Variants in CACNA1C observed in about 807,000 individuals in gnomAD.
CACNA1C encodes voltage-dependent L-type calcium channel subunit alpha-1C.
In CACNA1C, 30 loss-of-function variants were observed where a neutral mutation model predicts 229.0. The observed-to-expected ratio is 0.13, with a 90% confidence interval of 0.10 to 0.18. The LOEUF is 0.18. Among genes scored for constraint, CACNA1C ranks in the 10% least tolerant of loss-of-function variants. The pLI, the probability that CACNA1C is intolerant of heterozygous loss-of-function variation, is 1.00. For synonymous variants in CACNA1C, 1,114 were observed against 1,132.5 expected (o/e 0.98, Z 0.33); for missense variants, 1,658 against 2,845.0 (o/e 0.58, Z 9.49).
At chr12:2,442,557 G>T (rs1341479743) in intron 3 of CACNA1C, among the ~76,000 whole-genome samples, 1 of 152,244 alleles carries the variant, frequency 6.6e-6, no homozygotes, top group Admixed American at 6.5e-5. Context: ...GAGGAGCAGG[G>T]TCCTCCAGGA....
Position 2,449,065 on chromosome 12 carries a change from C to T in CACNA1C, c.567C>T (p.Ala189=), listed in dbSNP as rs886049202. 22 of 1,591,882 alleles carry T rather than the reference C, an allele frequency of 1.4e-5. No individual in the cohort carries two copies. Among genetic ancestry groups the T allele is most frequent in the Non-Finnish European group, 1.9e-5 (22 of 1,167,496 alleles). The change falls in exon 4 of 47, where the codon GCC becomes GCT. Residue 189 remains alanine (A), a synonymous_variant. Coordinates refer to ENST00000399655, the MANE Select transcript of CACNA1C (RefSeq NM_000719.7). ...IAYGLLFHPN[A]YLRNGWNLLD... is the part of the protein sequence containing the mutation. ...ATGGACTCCTCTTTCACCCCAATGCCTACCTCCGCAACGGCTGGAACCTAC... is the reference window on the plus strand; with the variant it reads ...ATGGACTCCTCTTTCACCCCAATGCTTACCTCCGCAACGGCTGGAACCTAC...
chr12:2,538,922 G>C (rs1037136686), intron 9 of CACNA1C, among the ~76,000 whole-genome samples: 3 of 152,146 alleles, frequency 2.0e-5, no homozygotes, highest in Non-Finnish European at 4.4e-5. Flanking sequence ...GGTGGGGCTG[G>C]AGCAACCCTG....
intron 14 of CACNA1C, 70 bp from the exon 15 acceptor site, chr12:2,582,751 AG>A: frequency 6.4e-7 from 1 of 1,553,814 alleles, no homozygotes. Flanking sequence ...GTAGTGGGGC[AG>A]GGCAGGGTGG....
At chr12:2,462,762 T>A (rs189944916) in intron 5 of CACNA1C, among the ~76,000 whole-genome samples, 7 of 152,170 alleles carry the variant, frequency 4.6e-5, no homozygotes, top group African/African-American at 1.7e-4. Context: ...TCTGTCTCAT[T>A]TGATCTTCAT....
At chr12:2,006,219 C>T (rs1460132043) in intron 1 of CACNA1C, among the ~76,000 whole-genome samples, 1 of 151,974 alleles carries the variant, frequency 6.6e-6, no homozygotes, top group Non-Finnish European at 1.5e-5. Context: ...ACCAGCCTGG[C>T]CAACATGGTG....
At chr12:2,175,567 C>T (rs984788413) in intron 3 of CACNA1C, among the ~76,000 whole-genome samples, 3 of 143,796 alleles carry the variant, frequency 2.1e-5, no homozygotes, top group Non-Finnish European at 3.1e-5. Flanking sequence ...GGGTGGGCTC[C>T]GGGATTGGCA....
At chr12:2,495,235 C>A (rs1399514260) in intron 7 of CACNA1C, among the ~76,000 whole-genome samples, 1 of 152,188 alleles carries the variant, frequency 6.6e-6, no homozygotes, top group Admixed American at 6.5e-5. Flanking sequence ...GACAAAATTC[C>A]CAAGTGGACC....
intron 3 of CACNA1C, among the ~76,000 whole-genome samples, chr12:2,289,131 C>T (rs1345728017): frequency 6.6e-6 from 1 of 152,158 alleles, no homozygotes; most frequent in Non-Finnish European, 1.5e-5. Context: ...CCAGCAGGAG[C>T]CAAGCTTCCT....
intron 9 of CACNA1C, among the ~76,000 whole-genome samples, chr12:2,547,746 G>T (rs965036840): frequency 1.3e-5 from 2 of 152,218 alleles, no homozygotes; most frequent in Admixed American, 1.3e-4. Flanking sequence ...AAGTCAGTGG[G>T]TGTGACAAAC....
chr12:2,414,851 C>G (rs930846966), intron 3 of CACNA1C, among the ~76,000 whole-genome samples: 1 of 152,176 alleles, frequency 6.6e-6, no homozygotes, highest in African/African-American at 2.4e-5. Context: ...GAGACCCTGG[C>G]TTCAGTTGGA....
chr12:2,448,031 G>C (rs1015756635), intron 3 of CACNA1C, among the ~76,000 whole-genome samples: 4 of 152,244 alleles, frequency 2.6e-5, no homozygotes, highest in African/African-American at 9.6e-5. Flanking sequence ...GGCAGCCTTT[G>C]CCTGGTGGGG....
Position 2,566,526 on chromosome 12 carries a change from C to T in CACNA1C, c.1613C>T (p.Thr538Met), listed in dbSNP as rs1254091789. The T allele has an allele frequency of 1.3e-6, 2 of 1,595,458 alleles. No homozygotes were observed. The highest frequency in any genetic ancestry group is 1.7e-6 in the Non-Finnish European group (2 of 1,171,188). ...WLVIFLVFLN[T>M]LTIASEHYNQ... ...GTGATTTTCCTGGTGTTCCTCAACACGCTCACCATTGCCTCTGAGCACTAC... is the reference window on the plus strand; with the variant it reads ...GTGATTTTCCTGGTGTTCCTCAACATGCTCACCATTGCCTCTGAGCACTAC... Residue 538 changes from threonine to methionine, a missense_variant, in exon 12 of 47, where the codon ACG becomes ATG. Physicochemically the swap from Thr to Met is moderately conservative, Grantham distance 81 (BLOSUM62 -1). This residue lies in a region of CACNA1C where 149 missense variants were observed against 194.2 expected (regional missense o/e 0.77). Coordinates refer to ENST00000399655, the MANE Select transcript of CACNA1C (RefSeq NM_000719.7). This position sits in a 1 kb window ranked among gnomAD's most constrained non-coding sequence, Gnocchi z 4.0.
chr12:2,028,498 T>C (rs370793813), intron 1 of CACNA1C, among the ~76,000 whole-genome samples: 31 of 152,328 alleles, frequency 2.0e-4, no homozygotes, highest in East Asian at 1.2e-3. Context: ...ATCAGTCCAA[T>C]GTTCTTTTAT....
intron 3 of CACNA1C, among the ~76,000 whole-genome samples, chr12:2,433,499 G>A (rs780801589): frequency 1.1e-4 from 16 of 152,124 alleles, no homozygotes; most frequent in Non-Finnish European, 1.8e-4. Context: ...ATTCACTCAC[G>A]CATTCATTCA....
chr12:2,585,904 G>T lies in CACNA1C; in HGVS notation c.2530G>T (p.Gly844Ter), dbSNP rs1555836280. 1 of 1,584,994 alleles carries T rather than the reference G, an allele frequency of 6.3e-7. No individual in the cohort carries two copies. The highest frequency in any genetic ancestry group is 2.3e-5 in the East Asian group (1 of 44,232). ...KSPYPNPETT[G>*]EEDEEEPEMP... ...CCCCTACCCCAACCCAGAAACTACA[G>T]GTACCAGTCCCACTGCCTAACCTGG... Residue 844 changes from glycine to a stop codon, truncating the protein, a stop_gained and splice_region_variant, in exon 18 of 47, where the codon GGA becomes TGA. Coordinates refer to ENST00000399655, the MANE Select transcript of CACNA1C (RefSeq NM_000719.7). LOFTEE classifies it high-confidence loss of function. This position sits in a 1 kb window ranked among gnomAD's most constrained non-coding sequence, Gnocchi z 4.1.
chr12:2,318,437 A>T (rs2095804885), intron 3 of CACNA1C, among the ~76,000 whole-genome samples: 1 of 152,256 alleles, frequency 6.6e-6, no homozygotes, highest in African/African-American at 2.4e-5. Context: ...CAGTAAAATC[A>T]ATCCCAGTGG....
intron 3 of CACNA1C, among the ~76,000 whole-genome samples, chr12:2,364,876 G>C (rs1468900710): frequency 6.6e-6 from 1 of 152,154 alleles, no homozygotes; most frequent in Non-Finnish European, 1.5e-5. Context: ...TGAAAAGAAG[G>C]TAGTTCAAGA....
At chr12:2,537,307 G>T (rs1236748058) in intron 9 of CACNA1C, among the ~76,000 whole-genome samples, 1 of 152,230 alleles carries the variant, frequency 6.6e-6, no homozygotes, top group East Asian at 1.9e-4. Context: ...ATTGGCGCTT[G>T]CTTGGAGTAA....
chr12:2,233,955 G>A (rs114074734), intron 3 of CACNA1C, among the ~76,000 whole-genome samples: 136 of 152,302 alleles, frequency 8.9e-4, no homozygotes, highest in Middle Eastern at 3.4e-3. Flanking sequence ...TCATTTGGAT[G>A]GGCATGATCC....
Sources: gnomAD v4.1 joint callset for allele counts (sites outside exome capture counted in the v4.1 genomes callset) on GRCh38, gnomAD v4.1.1 for gene constraint, gnomAD v4.1.1 regional missense constraint, Gnocchi (gnomAD v3.1) non-coding constraint, MANE v1.5 for transcripts, NCBI Gene and HGNC (gene_info 2026-07-23, HGNC 2026-07-21) for gene names.